DNAH10: variants seen among roughly 807,000 people sequenced by gnomAD.
DNAH10 encodes the protein axonemal beta dynein heavy chain 10.
A neutral mutation model predicts 506.6 loss-of-function variants in DNAH10; 348 were observed. The ratio of observed to expected loss-of-function variants is 0.69; its 90% CI spans 0.63 to 0.75. DNAH10 has a LOEUF of 0.75. Ranked by LOEUF, DNAH10 falls within the 30% of genes least tolerant of loss-of-function variation. DNAH10 has a pLI of 0.00. For synonymous variants in DNAH10, 2,059 were observed against 2,198.6 expected, an observed-to-expected ratio of 0.94 and a Z score of 1.78; for missense variants, 5,179 against 5,787.1, an observed-to-expected ratio of 0.89 and a Z score of 3.41.
chr12:123,802,509 T>A (rs112132056), intron 16 of DNAH10, among the ~76,000 whole-genome samples: 1 of 152,222 alleles, frequency 6.6e-6, no homozygotes, highest in Non-Finnish European at 1.5e-5. Context: ...TTTTGCCATG[T>A]TGGCCAGGCT....
chr12:123,790,209 G>T, intron 11 of DNAH10, 88 bp downstream of exon 11: 1 of 1,219,380 alleles, frequency 8.2e-7, no homozygotes, highest in Non-Finnish European at 1.1e-6. Context: ...GTGATGCTTA[G>T]TCTTTTTTTT....
Position 123,932,042 on chromosome 12 carries a change from C to T in DNAH10, c.13230C>T (p.Asp4410=). 7 of 1,613,994 alleles carry T rather than the reference C, an allele frequency of 4.3e-6. No individual in the cohort carries two copies. Among genetic ancestry groups the T allele is most frequent in the Non-Finnish European group, 5.9e-6 (7 of 1,179,884 alleles). ...ATATCTGGAGAAGGCTTGCTCCTGA[C>T]ACCTTAAAGTCCCTTGGAAACTGGA... ...IPNIWRRLAP[D]TLKSLGNWMV... Residue 4410 remains aspartate, a synonymous_variant, in exon 76 of 79, where the codon GAC becomes GAT. Coordinates refer to ENST00000673944, the MANE Select transcript of DNAH10 (RefSeq NM_001372106.1).
At chr12:123,884,084 A>C (rs376090424) in intron 51 of DNAH10, among the ~76,000 whole-genome samples, 1 of 151,208 alleles carries the variant, frequency 6.6e-6, no homozygotes, top group Non-Finnish European at 1.5e-5. Context: ...CCCAGGCTGG[A>C]GTGCAATGAC....
Position 123,832,173 on chromosome 12 carries a change from G to A in DNAH10, c.4546-941G>A, listed in dbSNP as rs1960628004. ...CATATGCACATAATGTACATACAGT[G>A]TACCTAATATACACACGTACACATA... On this transcript the variant is annotated intron_variant, in intron 26 of 78. Coordinates refer to ENST00000673944, the MANE Select transcript of DNAH10 (RefSeq NM_001372106.1). Among the ~76,000 whole-genome samples the A allele has an allele frequency of 1.3e-5, 2 of 152,006 alleles. 1 individual carries two copies. The highest frequency in any genetic ancestry group is 4.1e-4 in the South Asian group (2 of 4,822).
At chr12:123,908,562 A>G (rs1953917555) in intron 57 of DNAH10, 1 of 455,776 alleles carries the variant, frequency 2.2e-6, no homozygotes. Flanking sequence ...CCCCGGTGAG[A>G]TGGGTTCGGT....
intron 31 of DNAH10, 31 bp downstream of exon 31, chr12:123,845,900 A>T (rs748828034): frequency 6.2e-7 from 1 of 1,612,672 alleles, no homozygotes; most frequent in Non-Finnish European, 8.5e-7. Context: ...CTGGCATTTC[A>T]AAAGGGACCC....
At chr12:123,820,483 T>C (rs1182657667) in intron 23 of DNAH10, 97 bp from the exon 24 acceptor site, 4 of 1,280,604 alleles carry the variant, frequency 3.1e-6, no homozygotes, top group East Asian at 4.9e-5. Context: ...TTTATGAGGA[T>C]GAAATTATAA....
intron 50 of DNAH10, 83 bp downstream of exon 50, chr12:123,879,884 C>G: frequency 3.3e-6 from 5 of 1,505,170 alleles, no homozygotes; most frequent in Non-Finnish European, 4.5e-6. Flanking sequence ...CGCGGGTGCC[C>G]GGGAGCCTAT....
intron 24 of DNAH10, among the ~76,000 whole-genome samples, chr12:123,822,261 G>A (rs1171519830): frequency 6.6e-6 from 1 of 152,090 alleles, no homozygotes; most frequent in African/African-American, 2.4e-5. Context: ...GCCTCTCATT[G>A]GTATGTTTCC....
chr12:123,854,598 C>A (rs1178770659), intron 36 of DNAH10, among the ~76,000 whole-genome samples: 2 of 152,224 alleles, frequency 1.3e-5, no homozygotes, highest in African/African-American at 4.8e-5. Flanking sequence ...AGGTAAAAAA[C>A]AGCCTCCTTT....
intron 27 of DNAH10, among the ~76,000 whole-genome samples, chr12:123,834,788 C>T (rs1280249530): frequency 6.6e-6 from 1 of 152,188 alleles, no homozygotes; most frequent in East Asian, 1.9e-4. Context: ...TGATCCTTTA[C>T]GTCTGGCTTT....
intron 16 of DNAH10, among the ~76,000 whole-genome samples, chr12:123,803,187 A>T (rs1269112983): frequency 6.6e-6 from 1 of 152,152 alleles, no homozygotes; most frequent in Non-Finnish European, 1.5e-5. Context: ...AAAATGTTAT[A>T]GTATGATGTT....
chr12:123,792,259 G>A (rs1958105384), intron 11 of DNAH10, among the ~76,000 whole-genome samples: 1 of 151,976 alleles, frequency 6.6e-6, no homozygotes, highest in Non-Finnish European at 1.5e-5. Context: ...AATTGCTTTT[G>A]TTTTTTATTT....
intron 24 of DNAH10, among the ~76,000 whole-genome samples, chr12:123,823,224 GT>G (rs1449680578): frequency 6.6e-6 from 1 of 152,238 alleles, no homozygotes; most frequent in African/African-American, 2.4e-5. Flanking sequence ...GAGATTTGAA[GT>G]TGTGTCTTGT....
In DNAH10 at chr12:123,868,028, A is replaced by G. The variant is rs779690235; in HGVS notation, c.7428A>G (p.Gly2476=). The G allele has an allele frequency of 6.2e-7, 1 of 1,613,846 alleles. No homozygotes were observed. The highest frequency in any genetic ancestry group is 1.7e-5 in the Admixed American group (1 of 60,002). ...CSLGASLLED[G]RMKFDEYIKR... ...TGGGAGCCTCCCTGCTTGAGGATGGAAGGATGAAATTTGACGAATATATCA... is the reference window on the plus strand; with the variant it reads ...TGGGAGCCTCCCTGCTTGAGGATGGGAGGATGAAATTTGACGAATATATCA... The change falls in exon 43 of 79, where the codon GGA becomes GGG. Residue 2476 remains glycine, a synonymous_variant. Transcript: ENST00000673944.
intron 30 of DNAH10, among the ~76,000 whole-genome samples, chr12:123,844,507 C>T (rs532023580): frequency 3.3e-5 from 5 of 152,290 alleles, no homozygotes; most frequent in Non-Finnish European, 5.9e-5. Flanking sequence ...CACGACTCAG[C>T]AGGATCTGTA....
chr12:123,787,858 G>C lies in DNAH10; in HGVS notation c.1476G>C (p.Arg492Ser), dbSNP rs1957920528. 6.2e-7 allele frequency: 1 copy of C among 1,613,974 alleles called. No individual in the cohort carries two copies. The highest frequency in any genetic ancestry group is 1.7e-5 in the Admixed American group (1 of 59,976). The change falls in exon 10 of 79, where the codon AGG becomes AGC. Residue 492 changes from arginine (R) to serine (S), a missense_variant. Arg to Ser is a moderately radical substitution (Grantham distance 110). Transcript: ENST00000673944. The surrounding 1 kb of genome is among the most constrained non-coding windows in gnomAD (Gnocchi z 4.6). ...CCTTGGAAGCCAGGAACACCCTCAG[G>C]CTGTGGAAAAAGGCCTATTTTGACA... is the stretch of plus-strand genomic sequence containing the variant. Reference protein sequence around the residue: ...SKTLEARNTLRLWKKAYFDTR... With the variant: ...SKTLEARNTLSLWKKAYFDTR...
At chr12:123,866,229 CT>C (rs71088963) in intron 41 of DNAH10, among the ~76,000 whole-genome samples, 156 bp downstream of exon 41, 173 of 58,152 alleles carry the variant, frequency 3.0e-3, no homozygotes, top group African/African-American at 0.01. Context: ...GGCAGACACA[CT>C]TTTTTTTTTT....
chr12:123,864,695 A>C lies in DNAH10; in HGVS notation c.7009A>C (p.Ile2337Leu). The change falls in exon 40 of 79, where the codon ATC becomes CTC. Residue 2337 changes from isoleucine to leucine, a missense_variant. Transcript: ENST00000673944. Reference sequence around the variant, plus strand: ...GTTGACATTGGCCAACGGGGAACGCATCCGGCTCCAAGCACACTGTGCCCT... The same window carrying C: ...GTTGACATTGGCCAACGGGGAACGCCTCCGGCTCCAAGCACACTGTGCCCT... ...RLLTLANGER[I>L]RLQAHCALLF... The C allele has an allele frequency of 6.2e-7, 1 of 1,614,048 alleles. No homozygotes were observed. The highest frequency in any genetic ancestry group is 8.5e-7 in the Non-Finnish European group (1 of 1,179,890).
Sources: allele counts gnomAD v4.1 joint callset (sites outside exome capture counted in the v4.1 genomes callset), GRCh38; gene constraint gnomAD v4.1.1; non-coding constraint Gnocchi (gnomAD v3.1); transcripts MANE v1.5; gene names NCBI Gene and HGNC (gene_info 2026-07-23, HGNC 2026-07-21).